The following STK32B variants were observed in gnomAD, a reference collection of about 807,000 sequenced individuals.
STK32B encodes the protein serine/threonine-protein kinase 32B.
Under a neutral mutation model 52.6 loss-of-function variants are expected in STK32B, and 43 were observed. The observed-to-expected ratio is 0.82, with a 90% confidence interval of 0.64 to 1.05. The LOEUF (loss-of-function observed/expected upper bound fraction) is 1.05. STK32B is among the 50% of genes least tolerant of loss of function. The probability of loss-of-function intolerance (pLI) is 0.00; values close to 1 mark genes in which losing one functional copy is unlikely to be tolerated. For synonymous variants in STK32B, 238 were observed against 204.3 expected (o/e 1.17, Z -1.41); for missense variants, 621 against 534.6 (o/e 1.16, Z -1.59).
At chr4:5,458,898 T>C (rs1007913282) in intron 8 of STK32B, 17 of 152,160 alleles carry the variant, frequency 1.1e-4, no homozygotes, top group African/African-American at 3.9e-4. Context: ...CTGGTTCTTA[T>C]AAGTCAGTGT....
Position 5,396,942 on chromosome 4 carries a change from A to G in STK32B, c.435-1265A>G, listed in dbSNP as rs951839333. On this transcript the variant is annotated intron_variant, in intron 4 of 11. Transcript: ENST00000282908. This position sits in a 1 kb window ranked among gnomAD's most constrained non-coding sequence, Gnocchi z 4.7. ...TCTCTGCGGTAATCTCTTTGTTCAC[A>G]GTGGAGGCTTTGTGACCTCGGCAGC... 1.4e-4 allele frequency among the ~76,000 whole-genome samples: 22 copies of G among 152,186 alleles called. No homozygotes were observed. Among genetic ancestry groups the G allele is most frequent in the Non-Finnish European group, 2.4e-4 (16 of 68,034 alleles).
At chr4:5,107,655 A>G (rs891235968) in intron 1 of STK32B, among the ~76,000 whole-genome samples, 3 of 152,252 alleles carry the variant, frequency 2.0e-5, no homozygotes, top group Non-Finnish European at 4.4e-5. Flanking sequence ...AGTAAGTGAA[A>G]GAACTCTACC....
At chr4:5,360,983 C>A (rs1456878078) in intron 4 of STK32B, among the ~76,000 whole-genome samples, 1 of 152,198 alleles carries the variant, frequency 6.6e-6, no homozygotes, top group Non-Finnish European at 1.5e-5. Context: ...ACAATTCACT[C>A]CTCTACCCAG....
At chr4:5,436,033 G>A (rs4689226) in intron 6 of STK32B, 39,048 of 152,040 alleles carry the variant, frequency 0.26, 5,845 homozygotes, top group East Asian at 0.67. Flanking sequence ...GGAACAGCAC[G>A]CAGCATGGAG....
chr4:5,055,579 G>T (rs1391986421), intron 1 of STK32B, among the ~76,000 whole-genome samples: 1 of 152,050 alleles, frequency 6.6e-6, no homozygotes, highest in Non-Finnish European at 1.5e-5. Context: ...GGCACAACTT[G>T]CATCGTTAAG....
intron 4 of STK32B, among the ~76,000 whole-genome samples, chr4:5,338,515 C>A (rs1366784094): frequency 6.6e-6 from 1 of 152,140 alleles, no homozygotes; most frequent in African/African-American, 2.4e-5. Context: ...ATTACTGTAG[C>A]CATTCATGAA....
intron 4 of STK32B, among the ~76,000 whole-genome samples, chr4:5,388,984 G>C (rs1041705766): frequency 6.6e-6 from 1 of 152,144 alleles, no homozygotes; most frequent in Admixed American, 6.6e-5. Context: ...GCTGATGTTT[G>C]TTCTTTGCAG....
At chr4:5,426,200 C>G (rs1381916131) in intron 6 of STK32B, among the ~76,000 whole-genome samples, 1 of 152,128 alleles carries the variant, frequency 6.6e-6, no homozygotes, top group Admixed American at 6.5e-5. Context: ...TTCCCACAAG[C>G]AGCGAATGAG....
intron 3 of STK32B, among the ~76,000 whole-genome samples, chr4:5,206,668 A>G (rs1419576114): frequency 6.6e-6 from 1 of 152,020 alleles, no homozygotes; most frequent in Non-Finnish European, 1.5e-5. Context: ...GCGGAGGGGG[A>G]TATGAAAAGG....
chr4:5,452,075 A>G (rs976208800), intron 7 of STK32B, among the ~76,000 whole-genome samples: 2 of 152,164 alleles, frequency 1.3e-5, no homozygotes, highest in Non-Finnish European at 2.9e-5. Flanking sequence ...TGTAAGGCCT[A>G]TGGGCTTCAT....
intron 1 of STK32B, among the ~76,000 whole-genome samples, chr4:5,125,294 G>A (rs1032450122): frequency 2.0e-5 from 3 of 152,202 alleles, no homozygotes; most frequent in Non-Finnish European, 2.9e-5. Context: ...TAGTAAATGC[G>A]TGTTGCTGAG....
chr4:5,359,945 A>G (rs992120850), intron 4 of STK32B, among the ~76,000 whole-genome samples: 1 of 152,214 alleles, frequency 6.6e-6, no homozygotes, highest in Admixed American at 6.5e-5. Context: ...GTGAAGAAAC[A>G]TGGTTCAATC....
chr4:5,341,337 C>T (rs1380212862), intron 4 of STK32B, among the ~76,000 whole-genome samples: 1 of 152,102 alleles, frequency 6.6e-6, no homozygotes, highest in African/African-American at 2.4e-5. Context: ...TTGTTGCCTC[C>T]CCAGATGCAA....
rs1216342825 is a variant in STK32B at position 5,313,265 on chromosome 4, A to G, written c.261-17955A>G. Among the ~76,000 whole-genome samples the G allele has an allele frequency of 4.6e-5, 7 of 152,052 alleles. No homozygotes were observed. The East Asian group carries it at 1.4e-3, about 29-fold the overall frequency. ...CAGTCAATGTAATCTACCATGTTCA[A>G]CAAGCTAAAGAAAAAATCCTATTAT... On this transcript the variant is annotated intron_variant, in intron 3 of 11. Coordinates refer to ENST00000282908, the MANE Select transcript of STK32B (RefSeq NM_018401.3).
At chr4:5,408,275 G>A (rs1055696200) in intron 5 of STK32B, among the ~76,000 whole-genome samples, 5 of 152,110 alleles carry the variant, frequency 3.3e-5, no homozygotes, top group Non-Finnish European at 5.9e-5. Flanking sequence ...TGGAGGTGGG[G>A]CCTGGTGGGA....
chr4:5,292,854 A>G (rs887060620), intron 3 of STK32B, among the ~76,000 whole-genome samples: 9 of 151,896 alleles, frequency 5.9e-5, no homozygotes, highest in African/African-American at 2.2e-4. Flanking sequence ...TACATGTGCC[A>G]TGGTGGTTTG....
chr4:5,302,707 G>T (rs1376619425), intron 3 of STK32B, among the ~76,000 whole-genome samples: 1 of 151,950 alleles, frequency 6.6e-6, no homozygotes, highest in Non-Finnish European at 1.5e-5. Flanking sequence ...CCCATCACCT[G>T]AGCAGTGTAC....
chr4:5,268,538 GGTGTGTGTGTGTGT>G (rs10593272), intron 3 of STK32B, among the ~76,000 whole-genome samples: 7,176 of 140,148 alleles, frequency 0.051, 529 homozygotes, highest in African/African-American at 0.16. Context: ...TGCTTGGTGT[GGTGTGTGTGTGTGT>G]GTGTGTGTGT....
At chr4:5,487,814 T>C (rs767670281) in intron 11 of STK32B, among the ~76,000 whole-genome samples, 8 of 152,212 alleles carry the variant, frequency 5.3e-5, no homozygotes, top group African/African-American at 4.8e-5. Context: ...CCCCTTCTTA[T>C]TTTGGTTTGC....
Sources: allele counts gnomAD v4.1 joint callset (sites outside exome capture counted in the v4.1 genomes callset), GRCh38; gene constraint gnomAD v4.1.1; non-coding constraint Gnocchi (gnomAD v3.1); transcripts MANE v1.5; gene names NCBI Gene and HGNC (gene_info 2026-07-23, HGNC 2026-07-21).